FAM107B: variants seen among roughly 807,000 people sequenced by gnomAD.
FAM107B encodes the protein family with sequence similarity 107 member B, also known as protein FAM107B.
A neutral mutation model predicts 31.5 loss-of-function variants in FAM107B; 21 were observed. The ratio of observed to expected loss-of-function variants is 0.67; its 90% confidence interval spans 0.47 to 0.96. FAM107B has a LOEUF of 0.96. Among genes scored for constraint, FAM107B ranks in the 40% least tolerant of loss-of-function variants. The pLI is 0.00. For synonymous variants in FAM107B, 157 were observed against 141.5 expected (o/e 1.11, Z -0.78); for missense variants, 452 against 377.1 (o/e 1.20, Z -1.64).
intron 1 of FAM107B, among the ~76,000 whole-genome samples, chr10:14,772,596 G>A (rs370434020): frequency 2.0e-5 from 3 of 152,088 alleles, no homozygotes; most frequent in African/African-American, 4.8e-5. Flanking sequence ...GGTTTGGACC[G>A]CACAGTCAAC....
At chr10:14,558,324 A>G (rs1588580862) in intron 2 of FAM107B, among the ~76,000 whole-genome samples, 1 of 152,128 alleles carries the variant, frequency 6.6e-6, no homozygotes, top group African/African-American at 2.4e-5. Context: ...CTCTTTCAAA[A>G]GCTCCAATTT....
chr10:14,708,727 A>G (rs1422496753), intron 1 of FAM107B, among the ~76,000 whole-genome samples: 1 of 152,254 alleles, frequency 6.6e-6, no homozygotes, highest in Non-Finnish European at 1.5e-5. Context: ...TGCAGAGCAC[A>G]TAGCTGATAA....
chr10:14,647,337 C>A (rs1457346158), intron 2 of FAM107B, among the ~76,000 whole-genome samples: 3 of 152,140 alleles, frequency 2.0e-5, no homozygotes, highest in Non-Finnish European at 4.4e-5. Flanking sequence ...TGCTACAAAT[C>A]GATACTAACC....
At chr10:14,553,852 T>C (rs1410107556) in intron 2 of FAM107B, among the ~76,000 whole-genome samples, 1 of 152,202 alleles carries the variant, frequency 6.6e-6, no homozygotes, top group East Asian at 1.9e-4. Flanking sequence ...AGGTAGGTTC[T>C]GAGGGCCAGA....
At chr10:14,562,438 G>A (rs1319621960) in intron 2 of FAM107B, among the ~76,000 whole-genome samples, 3 of 152,236 alleles carry the variant, frequency 2.0e-5, no homozygotes, top group African/African-American at 7.2e-5. Flanking sequence ...ACTACAAGTG[G>A]TAGAGGCAGA....
At chr10:14,676,881 T>A (rs1012142947) in intron 1 of FAM107B, among the ~76,000 whole-genome samples, 2 of 152,226 alleles carry the variant, frequency 1.3e-5, no homozygotes, top group Non-Finnish European at 2.9e-5. Flanking sequence ...GACAGATAGC[T>A]CTCAGCTGTC....
chr10:14,668,118 T>C (rs911662600), intron 1 of FAM107B, among the ~76,000 whole-genome samples: 90 of 152,184 alleles, frequency 5.9e-4, no homozygotes, highest in Non-Finnish European at 1.2e-4. Context: ...CTCGGCTTAC[T>C]GCAACCTCCA....
chr10:14,674,601 A>G (rs1441868976), intron 1 of FAM107B, among the ~76,000 whole-genome samples: 1 of 151,902 alleles, frequency 6.6e-6, no homozygotes, highest in African/African-American at 2.4e-5. Context: ...GTGAGTACAA[A>G]CTCCTCCCAG....
chr10:14,627,588 A>G (rs978409295), intron 2 of FAM107B, among the ~76,000 whole-genome samples: 2 of 152,348 alleles, frequency 1.3e-5, no homozygotes, highest in African/African-American at 2.4e-5. Context: ...AGCCTGGACA[A>G]CATTAACGAC....
intron 1 of FAM107B, among the ~76,000 whole-genome samples, chr10:14,721,914 C>T (rs1249813711): frequency 5.3e-5 from 8 of 152,138 alleles, no homozygotes; most frequent in African/African-American, 9.7e-5. Flanking sequence ...ACATGAAGTC[C>T]TCGCCCATGC....
chr10:14,547,292 A>G (rs1848784566), intron 2 of FAM107B, among the ~76,000 whole-genome samples: 1 of 152,232 alleles, frequency 6.6e-6, no homozygotes, highest in Non-Finnish European at 1.5e-5. Context: ...CTTAAATAAA[A>G]GGTCCACAAA....
chr10:14,525,446 A>T (rs574488076), intron 3 of FAM107B, among the ~76,000 whole-genome samples: 44 of 152,358 alleles, frequency 2.9e-4, no homozygotes, highest in African/African-American at 1.0e-3. Context: ...TTAAATAAAA[A>T]GCAAAAGCAC....
chr10:14,561,137 A>G (rs769807353), intron 2 of FAM107B, among the ~76,000 whole-genome samples: 2 of 152,224 alleles, frequency 1.3e-5, no homozygotes, highest in Non-Finnish European at 2.9e-5. Flanking sequence ...AATCTGGTGA[A>G]TTCATCCTCC....
intron 2 of FAM107B, among the ~76,000 whole-genome samples, chr10:14,570,233 G>GGTGTGT (rs57206586): frequency 0.021 from 2,884 of 140,370 alleles, 95 homozygotes; most frequent in African/African-American, 0.068. Context: ...AAATGTGGTG[G>GGTGTGT]GTGTGTGTGT....
At chr10:14,575,773 C>T (rs959870408) in intron 2 of FAM107B, among the ~76,000 whole-genome samples, 2 of 152,212 alleles carry the variant, frequency 1.3e-5, no homozygotes, top group South Asian at 4.1e-4. Flanking sequence ...TATGGGCACA[C>T]ATTTCCTAAT....
At chr10:14,721,099 GT>G (rs1855901447) in intron 1 of FAM107B, among the ~76,000 whole-genome samples, 1 of 151,778 alleles carries the variant, frequency 6.6e-6, no homozygotes, top group African/African-American at 2.4e-5. Context: ...GCGGTGTTTT[GT>G]TTTCTGTCCT....
intron 2 of FAM107B, among the ~76,000 whole-genome samples, chr10:14,635,470 G>A (rs1490776193): frequency 6.6e-6 from 1 of 152,152 alleles, no homozygotes; most frequent in African/African-American, 2.4e-5. Context: ...ATCCTCCAGC[G>A]TGTGGTTGGG....
intron 1 of FAM107B, among the ~76,000 whole-genome samples, chr10:14,681,888 C>A (rs1192428964): frequency 1.3e-5 from 2 of 152,106 alleles, no homozygotes; most frequent in African/African-American, 4.8e-5. Context: ...TTGGTAATAG[C>A]GAGAGAGTTT....
At chr10:14,773,976 G>A (rs1426757280) in intron 1 of FAM107B, among the ~76,000 whole-genome samples, 1 of 152,162 alleles carries the variant, frequency 6.6e-6, no homozygotes, top group African/African-American at 2.4e-5. Context: ...TATTGAGTGA[G>A]CCATTTTTGG....
Sources: allele counts gnomAD v4.1 joint callset (sites outside exome capture counted in the v4.1 genomes callset), GRCh38; gene constraint gnomAD v4.1.1; transcripts MANE v1.5; gene names NCBI Gene and HGNC (gene_info 2026-07-23, HGNC 2026-07-21).